CNTN5: variants seen among roughly 807,000 people sequenced by gnomAD.
The protein encoded by CNTN5 is contactin-5.
Under a neutral mutation model 129.1 loss-of-function variants are expected in CNTN5, and 77 were observed. That is an observed-to-expected ratio of 0.60 (90% CI 0.50 to 0.72). CNTN5 has a LOEUF of 0.72. Among genes scored for constraint, CNTN5 ranks in the 30% least tolerant of loss-of-function variants. The pLI, the probability that CNTN5 is intolerant of heterozygous loss-of-function variation, is 0.00. For missense variants in CNTN5, 1,478 were observed against 1,328.8 expected, an observed-to-expected ratio of 1.11 and a Z score of -1.75; for synonymous variants, 509 against 465.6, an observed-to-expected ratio of 1.09 and a Z score of -1.20.
intron 8 of CNTN5, among the ~76,000 whole-genome samples, chr11:99,997,425 G>A (rs1051608266): frequency 3.9e-5 from 6 of 152,026 alleles, no homozygotes; most frequent in African/African-American, 7.2e-5. Flanking sequence ...TAAATTCCTC[G>A]ACACATACAC....
chr11:100,147,395 G>T (rs1043305702), intron 13 of CNTN5, among the ~76,000 whole-genome samples: 1 of 152,102 alleles, frequency 6.6e-6, no homozygotes. Flanking sequence ...TTGTGTTAAA[G>T]GTCACTGTTC....
chr11:99,489,593 T>C (rs1449586660), intron 2 of CNTN5, among the ~76,000 whole-genome samples: 1 of 152,232 alleles, frequency 6.6e-6, no homozygotes, highest in East Asian at 1.9e-4. Flanking sequence ...GATAATTTGT[T>C]GTCACTTGGA....
intron 11 of CNTN5, among the ~76,000 whole-genome samples, chr11:100,071,380 T>C: frequency 6.6e-6 from 1 of 152,134 alleles, no homozygotes. Flanking sequence ...GGAATGCAAA[T>C]AAAAGCATCA....
chr11:99,634,705 T>C (rs1328334774), intron 3 of CNTN5, among the ~76,000 whole-genome samples: 2 of 152,200 alleles, frequency 1.3e-5, no homozygotes, highest in Non-Finnish European at 2.9e-5. Flanking sequence ...TTTGTGAATG[T>C]ATTCCTAAGG....
At position 99,770,802 on chromosome 11, in the gene CNTN5, A is replaced by G. The variant is rs1259127331; in HGVS notation, c.56-48742A>G. Among the ~76,000 whole-genome samples the G allele has an allele frequency of 2.6e-5, 4 of 152,288 alleles. No homozygotes were observed. In the East Asian group the frequency reaches 5.8e-4, roughly 22 times the overall value. ...AATGGATTTTTTACAGTTATTAGAA[A>G]AAATCATAAAATTTGTATGGAAACA... is the stretch of plus-strand genomic sequence containing the variant. On this transcript the variant is annotated intron_variant, in intron 3 of 24. Coordinates refer to ENST00000524871, the MANE Select transcript of CNTN5 (RefSeq NM_014361.4).
At chr11:99,652,740 A>G (rs1337231001) in intron 3 of CNTN5, among the ~76,000 whole-genome samples, 1 of 152,098 alleles carries the variant, frequency 6.6e-6, no homozygotes, top group Non-Finnish European at 1.5e-5. Context: ...GAAGTACATT[A>G]TGTATACACT....
intron 2 of CNTN5, among the ~76,000 whole-genome samples, chr11:99,543,906 G>GA (rs1483277755): frequency 9.6e-6 from 1 of 104,042 alleles, no homozygotes; most frequent in African/African-American, 3.7e-5. Context: ...GGGTAACAGA[G>GA]AGAGTCTGTC....
chr11:100,076,137 T>A (rs1393368679), intron 13 of CNTN5, among the ~76,000 whole-genome samples: 1 of 152,136 alleles, frequency 6.6e-6, no homozygotes, highest in African/African-American at 2.4e-5. Flanking sequence ...CTAATTAAAG[T>A]AGAAGAAAAT....
At chr11:99,792,369 T>C (rs977184987) in intron 3 of CNTN5, among the ~76,000 whole-genome samples, 1 of 152,182 alleles carries the variant, frequency 6.6e-6, no homozygotes, top group African/African-American at 2.4e-5. Context: ...TTTTTGTTTT[T>C]AGTTCCTTTT....
At chr11:99,170,661 G>A (rs1018562081) in intron 1 of CNTN5, among the ~76,000 whole-genome samples, 3 of 152,168 alleles carry the variant, frequency 2.0e-5, no homozygotes, top group Non-Finnish European at 4.4e-5. Flanking sequence ...TAGAACAGAA[G>A]CATTTTTTTG....
chr11:100,030,349 TGGGCAGC>T (rs1227495096), intron 9 of CNTN5, among the ~76,000 whole-genome samples: 2 of 152,222 alleles, frequency 1.3e-5, no homozygotes, highest in African/African-American at 4.8e-5. Context: ...CACTGCAGCC[TGGGCAGC>T]AGAGCAAGAC....
At chr11:99,108,157 T>C (rs1488654752) in intron 1 of CNTN5, among the ~76,000 whole-genome samples, 1 of 152,050 alleles carries the variant, frequency 6.6e-6, no homozygotes, top group African/African-American at 2.4e-5. Context: ...GCAAAGGAGA[T>C]TACAGTGGAT....
intron 21 of CNTN5, among the ~76,000 whole-genome samples, chr11:100,337,980 G>A (rs527787993): frequency 6.6e-6 from 1 of 152,322 alleles, no homozygotes; most frequent in Non-Finnish European, 1.5e-5. Context: ...CCCAGTCATC[G>A]TGAAACCTTG....
At chr11:99,149,352 A>G (rs562808759) in intron 1 of CNTN5, among the ~76,000 whole-genome samples, 42 of 152,290 alleles carry the variant, frequency 2.8e-4, no homozygotes, top group Middle Eastern at 3.4e-3. Context: ...GAGACTTAAA[A>G]AATGCAAGGG....
chr11:99,842,590 A>G (rs533854729), intron 4 of CNTN5, among the ~76,000 whole-genome samples: 2 of 152,326 alleles, frequency 1.3e-5, no homozygotes, highest in Admixed American at 6.5e-5. Flanking sequence ...AACACTTATT[A>G]TATGTGAATT....
intron 7 of CNTN5, among the ~76,000 whole-genome samples, chr11:99,916,413 A>G (rs188575007): frequency 4.6e-5 from 7 of 152,270 alleles, no homozygotes; most frequent in Admixed American, 1.3e-4. Context: ...AGTGAAGAAT[A>G]TATTGCCTAG....
chr11:99,458,861 A>T (rs1291485316), intron 2 of CNTN5, among the ~76,000 whole-genome samples: 1 of 152,032 alleles, frequency 6.6e-6, no homozygotes. Flanking sequence ...GAGGTCTAGT[A>T]GATGAGCAAG....
chr11:99,251,176 A>G (rs1565438338), intron 1 of CNTN5, among the ~76,000 whole-genome samples: 1 of 151,940 alleles, frequency 6.6e-6, no homozygotes, highest in South Asian at 2.1e-4. Context: ...CATCTAAGCA[A>G]TTCAAAGAAA....
chr11:99,083,420 C>A (rs1358714307), intron 1 of CNTN5, among the ~76,000 whole-genome samples: 1 of 152,144 alleles, frequency 6.6e-6, no homozygotes, highest in African/African-American at 2.4e-5. Context: ...TTACACCTAC[C>A]ATTAAGCTCA....
Sources: gnomAD v4.1 joint callset for allele counts (sites outside exome capture counted in the v4.1 genomes callset) on GRCh38, gnomAD v4.1.1 for gene constraint, MANE v1.5 for transcripts, NCBI Gene and HGNC (gene_info 2026-07-23, HGNC 2026-07-21) for gene names.